Variants in MCU observed in about 807,000 individuals in gnomAD.
MCU encodes the protein calcium uniporter protein, mitochondrial.
Under a neutral mutation model 45.2 loss-of-function variants are expected in MCU, and 12 were observed. The observed-to-expected ratio is 0.27, with a 90% CI of 0.17 to 0.43. The LOEUF (loss-of-function observed/expected upper bound fraction) is 0.43, where lower values mean the gene tolerates loss of function less well. MCU is among the 20% of genes least tolerant of loss of function. MCU has a pLI of 1.00. For synonymous variants in MCU, 160 were observed against 165.1 expected (o/e 0.97, Z 0.24); for missense variants, 324 against 436.7 (o/e 0.74, Z 2.30).
At chr10:72,867,810 G>A (rs1348359066) in intron 4 of MCU, among the ~76,000 whole-genome samples, 6 of 148,640 alleles carry the variant, frequency 4.0e-5, no homozygotes, top group East Asian at 2.0e-4. Context: ...AGCCGAGATC[G>A]CGCCACTGCA....
At chr10:72,766,613 T>C (rs1286831795) in intron 1 of MCU, 2 of 152,182 alleles carry the variant, frequency 1.3e-5, no homozygotes, top group African/African-American at 4.8e-5. Flanking sequence ...CAGAATCTTG[T>C]GGCGAGGGTA....
rs554343883 is a variant in MCU, at chr10:72,762,958, C to A, written c.150+70657C>A. Among the ~76,000 whole-genome samples the A allele has an allele frequency of 3.9e-5, 6 of 152,242 alleles. No homozygotes were observed. In the South Asian group the frequency reaches 6.2e-4, roughly 16 times the overall value. ...GTGTTCCTTTCTGGACCTGTGAGAGCAGAATCTGTTTCCTTGCCTTTTCTG... is the reference window on the plus strand; with the variant it reads ...GTGTTCCTTTCTGGACCTGTGAGAGAAGAATCTGTTTCCTTGCCTTTTCTG... On this transcript the variant is annotated intron_variant, in intron 1 of 7. Transcript: ENST00000373053.
chr10:72,860,157 C>A, intron 3 of MCU: 1 of 351,712 alleles, frequency 2.8e-6, no homozygotes, highest in Non-Finnish European at 5.3e-6. Context: ...CCTAGATTTC[C>A]AATGTACACC....
chr10:72,855,855 G>A (rs932463423), intron 2 of MCU, among the ~76,000 whole-genome samples: 3 of 152,114 alleles, frequency 2.0e-5, no homozygotes, highest in Non-Finnish European at 2.9e-5. Flanking sequence ...CTTTCTACAG[G>A]AAACTCACTT....
intron 1 of MCU, among the ~76,000 whole-genome samples, chr10:72,813,678 C>T (rs534242249): frequency 1.3e-3 from 193 of 151,986 alleles, no homozygotes; most frequent in African/African-American, 4.5e-3. Context: ...AGGCTGGTCT[C>T]GAACTCCTGG....
chr10:72,698,840 G>C (rs1842721142), intron 1 of MCU, among the ~76,000 whole-genome samples: 1 of 151,986 alleles, frequency 6.6e-6, no homozygotes, highest in Non-Finnish European at 1.5e-5. Context: ...GTCTTACTCT[G>C]TTGCCCAGGC....
At chr10:72,778,662 T>A (rs768074110) in intron 1 of MCU, among the ~76,000 whole-genome samples, 7 of 152,166 alleles carry the variant, frequency 4.6e-5, no homozygotes, top group Non-Finnish European at 1.0e-4. Context: ...CCAATATTCA[T>A]AATTAAAATG....
At chr10:72,835,183 G>A (rs1844938606) in intron 2 of MCU, among the ~76,000 whole-genome samples, 1 of 152,150 alleles carries the variant, frequency 6.6e-6, no homozygotes, top group Non-Finnish European at 1.5e-5. Context: ...ATGTGGGAAG[G>A]GATAAACAGA....
intron 4 of MCU, 85 bp from the exon 5 acceptor site, chr10:72,868,618 T>C: frequency 1.6e-6 from 2 of 1,225,904 alleles, no homozygotes; most frequent in East Asian, 4.7e-5. Flanking sequence ...ATACCTATAA[T>C]GGATGAATCT....
chr10:72,758,688 CA>C (rs1216718525), intron 1 of MCU, among the ~76,000 whole-genome samples: 1 of 152,050 alleles, frequency 6.6e-6, no homozygotes, highest in Non-Finnish European at 1.5e-5. Flanking sequence ...CTGAATGGGC[CA>C]ATTTTTTTGG....
At chr10:72,699,459 A>G (rs950715463) in intron 1 of MCU, among the ~76,000 whole-genome samples, 4 of 152,140 alleles carry the variant, frequency 2.6e-5, no homozygotes, top group South Asian at 2.1e-4. Flanking sequence ...GTGAGCCGAG[A>G]TCATGCCACT....
chr10:72,803,381 C>A (rs1313135639), intron 1 of MCU, among the ~76,000 whole-genome samples: 1 of 151,424 alleles, frequency 6.6e-6, no homozygotes, highest in Non-Finnish European at 1.5e-5. Flanking sequence ...TTTAAAAATG[C>A]AGAAATAGAA....
Position 72,886,001 on chromosome 10 carries a change from T to C in MCU, c.*179T>C. ...ATGTTAAAACCTGAGGATCAGGCAT[T>C]GTGGAATATAAGCTCAAAGGGCTTA... On this transcript the variant is annotated 3_prime_UTR_variant, in exon 8 of 8. Transcript: ENST00000373053. 2 of 574,066 alleles carry C rather than the reference T, an allele frequency of 3.5e-6. No homozygotes were observed. The highest frequency in any genetic ancestry group is 6.2e-6 in the Non-Finnish European group (2 of 322,928). The allele number at this position is 574,066 out of a possible 1,614,324, so 35.6% of individuals were successfully genotyped here.
intron 1 of MCU, among the ~76,000 whole-genome samples, chr10:72,832,934 A>ATGTGTGTGTGTGTGTGTG (rs6143982): frequency 0.015 from 2,177 of 143,842 alleles, 40 homozygotes; most frequent in Middle Eastern, 0.029. Context: ...ACCAATAGCT[A>ATGTGTGTGTGTGTGTGTG]TGTGTGTGTG....
At chr10:72,769,408 A>G (rs189976556) in intron 1 of MCU, among the ~76,000 whole-genome samples, 1 of 152,160 alleles carries the variant, frequency 6.6e-6, no homozygotes, top group Non-Finnish European at 1.5e-5. Context: ...TATGGGGAGG[A>G]AAGGTTTTAA....
intron 4 of MCU, among the ~76,000 whole-genome samples, chr10:72,866,526 A>C (rs1259449557): frequency 6.6e-6 from 1 of 151,876 alleles, no homozygotes; most frequent in Non-Finnish European, 1.5e-5. Flanking sequence ...CCTCCCCAGT[A>C]GCTGGGATTA....
At position 72,868,957 on chromosome 10, in the gene MCU, G is replaced by A. The variant is rs879113463; in HGVS notation, c.657+94G>A. 7.7e-6 allele frequency: 10 copies of A among 1,301,604 alleles called. No individual in the cohort carries two copies. In the South Asian group the frequency reaches 1.0e-4, roughly 13 times the overall value. 80.6% of individuals were successfully genotyped at this position (1,301,604 alleles called of 1,614,324 possible). ...TTTCTTGTAAGTTTTATGCAATTGA[G>A]TCATGTCAATCAAGTTAGTTCTTTA... On this transcript the variant is annotated intron_variant, in intron 5 of 7. Transcript: ENST00000373053.
chr10:72,692,587 C>T (rs1842636747), intron 1 of MCU: 2 of 1,098,616 alleles, frequency 1.8e-6, no homozygotes, highest in Non-Finnish European at 2.2e-6. Context: ...TGAACCTCTC[C>T]CCGACTCGCC....
intron 1 of MCU, among the ~76,000 whole-genome samples, chr10:72,707,198 C>CTT (rs1327443362): frequency 2.9e-4 from 38 of 129,616 alleles, no homozygotes; most frequent in African/African-American, 4.3e-4. Flanking sequence ...ATTTTGAAAT[C>CTT]TTTTTTTTTT....
Sources: allele counts gnomAD v4.1 joint callset (sites outside exome capture counted in the v4.1 genomes callset), GRCh38; gene constraint gnomAD v4.1.1; transcripts MANE v1.5; gene names NCBI Gene and HGNC (gene_info 2026-07-23, HGNC 2026-07-21).